The following PRUNE2 variants were observed in gnomAD, a reference collection of about 807,000 sequenced individuals.
The protein encoded by PRUNE2 is prune homolog 2 with BCH domain.
Under a neutral mutation model 252.0 loss-of-function variants are expected in PRUNE2, and 164 were observed. The observed-to-expected ratio is 0.65, with a 90% confidence interval of 0.57 to 0.74. The LOEUF (loss-of-function observed/expected upper bound fraction) is 0.74. Ranked by LOEUF, PRUNE2 falls within the 30% of genes least tolerant of loss-of-function variation. PRUNE2 has a pLI of 0.00. For synonymous variants in PRUNE2, 1,292 were observed against 1,350.2 expected, an observed-to-expected ratio of 0.96 and a Z score of 0.94; for missense variants, 3,495 against 3,711.0, an observed-to-expected ratio of 0.94 and a Z score of 1.51.
intron 9 of PRUNE2, among the ~76,000 whole-genome samples, chr9:76,693,683 CCA>C (rs1225307491): frequency 1.3e-5 from 2 of 151,988 alleles, no homozygotes; most frequent in Non-Finnish European, 2.9e-5. Flanking sequence ...ACCTCGTGAT[CCA>C]CCCGCCTTGG....
At chr9:76,902,659 C>T (rs2063248816) in intron 1 of PRUNE2, among the ~76,000 whole-genome samples, 1 of 152,174 alleles carries the variant, frequency 6.6e-6, no homozygotes, top group African/African-American at 2.4e-5. Context: ...GGGAGCATTT[C>T]TGGAGACTGC....
At position 76,612,948 on chromosome 9, in the gene PRUNE2, T is replaced by C. The variant is rs140693448; in HGVS notation, c.*1622A>G. 1.7e-4 allele frequency: 26 copies of C among 152,216 alleles called. No individual in the cohort carries two copies. The highest frequency in any genetic ancestry group is 5.6e-4 in the African/African-American group (23 of 41,438). The allele number at this position is 152,216 out of a possible 1,614,324, so 9.4% of individuals were successfully genotyped here. On this transcript the variant is annotated 3_prime_UTR_variant, in exon 19 of 19. Transcript: ENST00000376718. Reference sequence around the variant, plus strand: ...AACCGCTCTCACCCCTTCATTTTTATTTCTGCCAGCTTCTTTGTAATAGGA... The same window carrying C: ...AACCGCTCTCACCCCTTCATTTTTACTTCTGCCAGCTTCTTTGTAATAGGA...
At chr9:76,747,580 G>A (rs1165524083) in intron 6 of PRUNE2, among the ~76,000 whole-genome samples, 1 of 152,148 alleles carries the variant, frequency 6.6e-6, no homozygotes, top group African/African-American at 2.4e-5. Context: ...GGACCCCAAA[G>A]CCTCCAGCCA....
Position 76,710,560 on chromosome 9 carries a change from G to C in PRUNE2, c.1714C>G (p.Gln572Glu). ...SLVEHDEEFVQRQDSPRDNSE... is the reference protein window; with the variant it reads ...SLVEHDEEFVERQDSPRDNSE... ...TTATCTCTGGGACTGTCTTGTCTCT[G>C]GACAAACTCCTCATCATGTTCCACA... is the stretch of plus-strand genomic sequence containing the variant. Residue 572 changes from glutamine to glutamate, a missense_variant, in exon 8 of 19, where the codon CAG becomes GAG. Gln to Glu is a conservative substitution (Grantham distance 29). Coordinates refer to ENST00000376718, the MANE Select transcript of PRUNE2 (RefSeq NM_015225.3). 6.2e-7 allele frequency: 1 copy of C among 1,613,848 alleles called. No individual in the cohort carries two copies. The highest frequency in any genetic ancestry group is 8.5e-7 in the Non-Finnish European group (1 of 1,179,836).
rs2046419521 is a variant in PRUNE2, at chr9:76,707,830, G to A, written c.4444C>T (p.Pro1482Ser). 1 of 1,613,504 alleles carries A rather than the reference G, an allele frequency of 6.2e-7. No homozygotes were observed. The highest frequency in any genetic ancestry group is 1.3e-5 in the African/African-American group (1 of 74,906). ...LEPENVGGGPPHRVPRSLDFG... is the reference protein window; with the variant it reads ...LEPENVGGGPSHRVPRSLDFG... ...TCAAGACTTCGGGGAACTCTGTGAG[G>A]TGGCCCTCCACCCACGTTCTCTGGC... The change falls in exon 8 of 19, where the codon CCT (proline) becomes TCT (serine). Residue 1482 changes from proline to serine, a missense_variant. Pro to Ser is a moderately conservative substitution (Grantham distance 74). Transcript: ENST00000376718.
chr9:76,771,983 T>C (rs2130956617), intron 6 of PRUNE2, among the ~76,000 whole-genome samples: 1 of 152,292 alleles, frequency 6.6e-6, no homozygotes, highest in Middle Eastern at 3.4e-3. Context: ...CAAACACAAA[T>C]CTGCACTACA....
At chr9:76,840,991 A>G (rs1451263776) in intron 4 of PRUNE2, among the ~76,000 whole-genome samples, 1 of 152,166 alleles carries the variant, frequency 6.6e-6, no homozygotes, top group Non-Finnish European at 1.5e-5. Context: ...CAAAAAAAAA[A>G]AAAAGATTGT....
chr9:76,615,090 A>G (rs1828789876), intron 18 of PRUNE2: 2 of 987,328 alleles, frequency 2.0e-6, no homozygotes, highest in Non-Finnish European at 2.4e-6. Flanking sequence ...GAAAGGGGTT[A>G]GCCTACCTTA....
In PRUNE2 at chr9:76,640,653, A is replaced by G. The variant is rs551370957; in HGVS notation, c.8729-2365T>C. ...CAATATGAAGGAAAATGGCAGGAGG[A>G]GACATATCTTAATACAAAAATTGCT... On this transcript the variant is annotated intron_variant, in intron 12 of 18. Coordinates refer to ENST00000376718, the MANE Select transcript of PRUNE2 (RefSeq NM_015225.3). Among the ~76,000 whole-genome samples the G allele has an allele frequency of 7.2e-4, 109 of 152,308 alleles. 1 individual carries two copies. Among genetic ancestry groups the G allele is most frequent in the African/African-American group, 2.5e-3 (106 of 41,570 alleles).
At chr9:76,797,730 G>A (rs7036892) in intron 6 of PRUNE2, among the ~76,000 whole-genome samples, 5,174 of 146,526 alleles carry the variant, frequency 0.035, 191 homozygotes, top group African/African-American at 0.096. Context: ...GCCATTGCCC[G>A]CTAAAAAGCA....
At chr9:76,742,660 C>A (rs2049747013) in intron 6 of PRUNE2, among the ~76,000 whole-genome samples, 1 of 151,482 alleles carries the variant, frequency 6.6e-6, no homozygotes, top group Admixed American at 6.6e-5. Flanking sequence ...AAAAGGCAAG[C>A]AATCCAATTG....
At chr9:76,884,331 G>T (rs545168704) in intron 1 of PRUNE2, among the ~76,000 whole-genome samples, 1 of 152,220 alleles carries the variant, frequency 6.6e-6, no homozygotes, top group Non-Finnish European at 1.5e-5. Flanking sequence ...AACCCACACT[G>T]AAGAACTAGA....
intron 6 of PRUNE2, among the ~76,000 whole-genome samples, chr9:76,757,742 C>CTTGAGCCCAGGAGT (rs552867989): frequency 0.012 from 1,864 of 152,216 alleles, 34 homozygotes; most frequent in African/African-American, 0.042. Context: ...CAGGGAATCA[C>CTTGAGCCCAGGAGT]TCGAGACCAG....
At chr9:76,789,871 T>G (rs1214314037) in intron 6 of PRUNE2, among the ~76,000 whole-genome samples, 6 of 152,128 alleles carry the variant, frequency 3.9e-5, no homozygotes, top group Non-Finnish European at 8.8e-5. Flanking sequence ...ATGGAGGGGC[T>G]GGGCAGGGGA....
intron 1 of PRUNE2, among the ~76,000 whole-genome samples, chr9:76,861,567 G>A (rs1416465687): frequency 2.0e-5 from 3 of 152,080 alleles, no homozygotes; most frequent in Admixed American, 6.5e-5. Flanking sequence ...GTTCCCCCCG[G>A]TCAGGCTTCT....
At chr9:76,737,602 T>G (rs1449832337) in intron 6 of PRUNE2, 1 of 152,248 alleles carries the variant, frequency 6.6e-6, no homozygotes, top group Admixed American at 6.5e-5. Flanking sequence ...AGAAAATTTC[T>G]GGCAAAATTA....
chr9:76,657,933 C>T (rs1192285667), intron 9 of PRUNE2, among the ~76,000 whole-genome samples: 2 of 152,150 alleles, frequency 1.3e-5, no homozygotes, highest in Non-Finnish European at 2.9e-5. Context: ...CTTTTCAACA[C>T]AAAGCAGAGA....
chr9:76,837,850 C>T (rs1422970000), intron 4 of PRUNE2, among the ~76,000 whole-genome samples: 2 of 150,580 alleles, frequency 1.3e-5, no homozygotes, highest in African/African-American at 2.5e-5. Context: ...CGGCTCACTG[C>T]AAGCTCTGCC....
intron 4 of PRUNE2, among the ~76,000 whole-genome samples, chr9:76,837,236 G>A (rs1315478927): frequency 1.3e-5 from 2 of 152,050 alleles, no homozygotes; most frequent in Non-Finnish European, 2.9e-5. Flanking sequence ...AAGGTGAAGC[G>A]ATTGAGACCA....
Sources: gnomAD v4.1 joint callset for allele counts (sites outside exome capture counted in the v4.1 genomes callset) on GRCh38, gnomAD v4.1.1 for gene constraint, MANE v1.5 for transcripts, NCBI Gene and HGNC (gene_info 2026-07-23, HGNC 2026-07-21) for gene names.